The following CACNA1C variants were observed in gnomAD, a reference collection of about 807,000 sequenced individuals.
CACNA1C encodes voltage-dependent L-type calcium channel subunit alpha-1C.
CACNA1C carries 30 observed loss-of-function variants against 229.0 expected under a neutral mutation model. The observed-to-expected ratio is 0.13, with a 90% CI of 0.10 to 0.18. The LOEUF (loss-of-function observed/expected upper bound fraction) is 0.18, where lower values mean the gene tolerates loss of function less well. Ranked by LOEUF, CACNA1C falls within the 10% of genes least tolerant of loss-of-function variation. The pLI, the probability that CACNA1C is intolerant of heterozygous loss-of-function variation, is 1.00. For missense variants in CACNA1C, 1,658 were observed against 2,845.0 expected, an observed-to-expected ratio of 0.58 and a Z score of 9.49; for synonymous variants, 1,114 against 1,132.5, an observed-to-expected ratio of 0.98 and a Z score of 0.33.
At chr12:2,371,062 G>T (rs1224196467) in intron 3 of CACNA1C, among the ~76,000 whole-genome samples, 2 of 152,202 alleles carry the variant, frequency 1.3e-5, no homozygotes, top group African/African-American at 4.8e-5. Flanking sequence ...TGGAAACAAG[G>T]ATATTTAGGG....
At chr12:2,336,459 TA>T (rs1368151344) in intron 3 of CACNA1C, among the ~76,000 whole-genome samples, 4 of 112,542 alleles carry the variant, frequency 3.6e-5, no homozygotes, top group Admixed American at 9.9e-5. Context: ...AACTCTCTGG[TA>T]TTGTGAATCT....
chr12:2,068,962 A>G (rs1050651287), intron 1 of CACNA1C, among the ~76,000 whole-genome samples: 1 of 152,248 alleles, frequency 6.6e-6, no homozygotes, highest in African/African-American at 2.4e-5. Context: ...CCAGATGGAC[A>G]GGGTTCCGCA....
At chr12:1,996,736 T>C (rs1005080364) in intron 1 of CACNA1C, among the ~76,000 whole-genome samples, 1 of 148,306 alleles carries the variant, frequency 6.7e-6, no homozygotes, top group Admixed American at 6.7e-5. Context: ...CCACGTGTCC[T>C]ATGGGCCGTG....
chr12:2,536,592 G>A (rs1044841244), intron 9 of CACNA1C, among the ~76,000 whole-genome samples: 1 of 152,196 alleles, frequency 6.6e-6, no homozygotes, highest in South Asian at 2.1e-4. Context: ...ATTTTGGAAG[G>A]CTGAGGTGGG....
intron 3 of CACNA1C, among the ~76,000 whole-genome samples, chr12:2,260,803 C>T (rs564595986): frequency 1.3e-5 from 2 of 152,186 alleles, no homozygotes; most frequent in South Asian, 2.1e-4. Flanking sequence ...TGAGTTAATG[C>T]AGAAGTTCTG....
intron 3 of CACNA1C, among the ~76,000 whole-genome samples, chr12:2,259,514 G>C: frequency 6.6e-6 from 1 of 152,222 alleles, no homozygotes; most frequent in Non-Finnish European, 1.5e-5. Context: ...GAGCCGCTTT[G>C]AGATGTTGCA....
intron 18 of CACNA1C, among the ~76,000 whole-genome samples, chr12:2,591,379 G>A (rs561235834): frequency 3.3e-5 from 5 of 152,226 alleles, no homozygotes; most frequent in Admixed American, 1.3e-4. Flanking sequence ...CCTTCTGACC[G>A]GTGTGGAAGT....
intron 3 of CACNA1C, among the ~76,000 whole-genome samples, chr12:2,162,382 C>T (rs2095917826): frequency 1.3e-5 from 2 of 151,800 alleles, no homozygotes; most frequent in African/African-American, 2.4e-5. Flanking sequence ...CAAGTCTGCC[C>T]CGTTTGCCTT....
chr12:2,440,961 G>A (rs946595181), intron 3 of CACNA1C, among the ~76,000 whole-genome samples: 1 of 152,208 alleles, frequency 6.6e-6, no homozygotes. Flanking sequence ...GAGCTAAGAG[G>A]TTGTGCATCC....
chr12:2,177,561 T>TTCCCTCCC (rs1174918516), intron 3 of CACNA1C, among the ~76,000 whole-genome samples: 18 of 78,108 alleles, frequency 2.3e-4, no homozygotes, highest in African/African-American at 6.4e-4. Context: ...TTCCCTTTCC[T>TTCCCTCCC]TCCCTCCCTC....
In CACNA1C at chr12:2,566,317, G is replaced by C; in HGVS notation, c.1509-105G>C. 2 of 1,097,314 alleles carry C rather than the reference G, an allele frequency of 1.8e-6. No individual in the cohort carries two copies. Among genetic ancestry groups the C allele is most frequent in the Non-Finnish European group, 2.6e-6 (2 of 769,508 alleles). 68.0% of individuals were successfully genotyped at this position (1,097,314 alleles called of 1,614,324 possible). A position where few individuals can be genotyped will look rare whatever the true frequency, so the allele number is the denominator to read the frequency against. On this transcript the variant is annotated intron_variant, in intron 11 of 46. Transcript: ENST00000399655. This position sits in a 1 kb window ranked among gnomAD's most constrained non-coding sequence, Gnocchi z 4.0. ...CCACCAGATTGGGCTGCTCTAGCAAGGCCAGATCAGTGAGGGGCGAGAAGA... is the reference window on the plus strand; with the variant it reads ...CCACCAGATTGGGCTGCTCTAGCAACGCCAGATCAGTGAGGGGCGAGAAGA...
intron 7 of CACNA1C, among the ~76,000 whole-genome samples, chr12:2,503,107 G>A (rs535155934): frequency 3.9e-5 from 6 of 152,344 alleles, no homozygotes; most frequent in Non-Finnish European, 8.8e-5. Context: ...GAGCTATGGA[G>A]AGAACAATGT....
intron 3 of CACNA1C, among the ~76,000 whole-genome samples, chr12:2,171,776 G>A (rs11062138): frequency 0.19 from 28,947 of 152,132 alleles, 3,098 homozygotes; most frequent in East Asian, 0.5. Context: ...AAGAAACTAG[G>A]ATAACAGGTG....
chr12:2,334,252 A>G (rs1268924009), intron 3 of CACNA1C, among the ~76,000 whole-genome samples: 1 of 152,228 alleles, frequency 6.6e-6, no homozygotes, highest in African/African-American at 2.4e-5. Context: ...CCCTGAAGTG[A>G]AGGTGCCACA....
chr12:2,345,152 T>G (rs1404037520), intron 3 of CACNA1C, among the ~76,000 whole-genome samples: 2 of 151,300 alleles, frequency 1.3e-5, no homozygotes, highest in Non-Finnish European at 2.9e-5. Flanking sequence ...GAAGGCTCAG[T>G]CCCTCTGAGA....
intron 21 of CACNA1C, among the ~76,000 whole-genome samples, chr12:2,598,957 A>G (rs2070327176): frequency 6.6e-6 from 1 of 152,052 alleles, no homozygotes; most frequent in Admixed American, 6.5e-5. Context: ...CTGCACTAAG[A>G]TGCACCGCGG....
intron 1 of CACNA1C, among the ~76,000 whole-genome samples, chr12:1,986,064 T>C (rs574872350): frequency 4.8e-4 from 73 of 152,316 alleles, no homozygotes; most frequent in African/African-American, 1.4e-3. Context: ...CTGCCCGCCT[T>C]GGCCTCCCAA....
chr12:1,991,550 C>G, intron 1 of CACNA1C: 1 of 225,772 alleles, frequency 4.4e-6, no homozygotes, highest in Non-Finnish European at 8.7e-6. Flanking sequence ...AGGTTTTTTC[C>G]TTTTTTTTTT....
At chr12:2,373,669 G>A (rs946626670) in intron 3 of CACNA1C, among the ~76,000 whole-genome samples, 1 of 152,188 alleles carries the variant, frequency 6.6e-6, no homozygotes, top group Non-Finnish European at 1.5e-5. Context: ...ACCATTGAAA[G>A]TATTTCAGAA....
Sources: gnomAD v4.1 joint callset for allele counts (sites outside exome capture counted in the v4.1 genomes callset) on GRCh38, gnomAD v4.1.1 for gene constraint, Gnocchi (gnomAD v3.1) non-coding constraint, MANE v1.5 for transcripts, NCBI Gene and HGNC (gene_info 2026-07-23, HGNC 2026-07-21) for gene names.